Variants in ANKRD46 observed in about 807,000 individuals in gnomAD.
The protein encoded by ANKRD46 is ankyrin repeat domain 46.
Under a neutral mutation model 19.8 loss-of-function variants are expected in ANKRD46, and 13 were observed. The ratio of observed to expected loss-of-function variants is 0.66; its 90% CI spans 0.43 to 1.04. The LOEUF is 1.04. Among genes scored for constraint, ANKRD46 ranks in the 50% least tolerant of loss-of-function variants. The pLI is 0.00. For synonymous variants in ANKRD46, 91 were observed against 106.9 expected, an observed-to-expected ratio of 0.85 and a Z score of 0.92; for missense variants, 185 against 274.8, an observed-to-expected ratio of 0.67 and a Z score of 2.31.
At position 100,545,315 on chromosome 8, in the gene ANKRD46, T is replaced by C. The variant is rs536558570; in HGVS notation, c.-130-12004A>G. Among the ~76,000 whole-genome samples, 12 of 152,242 alleles carry C rather than the reference T, an allele frequency of 7.9e-5. No homozygotes were observed. In the East Asian group the frequency reaches 1.4e-3, roughly 17 times the overall value. ...GTCCCCACATATCAAGGAAGGGACCTGGTGGGAGGTGAATGGAGCATGGGG... is the reference window on the plus strand; with the variant it reads ...GTCCCCACATATCAAGGAAGGGACCCGGTGGGAGGTGAATGGAGCATGGGG... On this transcript the variant is annotated intron_variant, in intron 1 of 4. Transcript: ENST00000335659. This position sits in a 1 kb window ranked among gnomAD's most constrained non-coding sequence, Gnocchi z 4.7.
At chr8:100,516,829 A>G (rs925238436), downstream of ANKRD46, among the ~76,000 whole-genome samples, 6 of 152,234 alleles carry the variant, frequency 3.9e-5, no homozygotes, top group African/African-American at 1.4e-4. Flanking sequence ...AATGGTGCCA[A>G]CAGCATCCTC....
At position 100,521,247 on chromosome 8, in the gene ANKRD46, T is replaced by C; in HGVS notation, c.*1308A>G. 1 of 985,326 alleles carries C rather than the reference T, an allele frequency of 1.0e-6. No individual in the cohort carries two copies. Among genetic ancestry groups the C allele is most frequent in the Non-Finnish European group, 1.2e-6 (1 of 829,922 alleles). 61.0% of individuals were successfully genotyped at this position (985,326 alleles called of 1,614,324 possible). On this transcript the variant is annotated 3_prime_UTR_variant, in exon 5 of 5. Transcript: ENST00000335659. ...ACCAATTCTATTCTAAAGCATAATT[T>C]CTAATTCTAGCAGCAATTCAATTAG...
downstream of ANKRD46, among the ~76,000 whole-genome samples, chr8:100,517,263 G>C (rs1229725309): frequency 1.3e-5 from 2 of 152,166 alleles, no homozygotes; most frequent in African/African-American, 4.8e-5. Flanking sequence ...TGTAAAAATG[G>C]AATCTTCTTT....
rs1408034930 is a variant in ANKRD46 at position 100,532,470 on chromosome 8, A to AAAAAC, written c.-28+734_-28+738dup. The stretch of plus-strand genomic sequence containing the variant: ...GGCATCAAAGTGAGGCCTGTCTCAA[A>AAAAAC]AAAACAAACCAAACCAAACCAAACC... On this transcript the variant is annotated intron_variant, in intron 2 of 4. Coordinates refer to ENST00000335659, the MANE Select transcript of ANKRD46 (RefSeq NM_001270377.2). This position sits in a 1 kb window ranked among gnomAD's most constrained non-coding sequence, Gnocchi z 4.7. The AAAAAC allele has an allele frequency of 1.3e-5, 2 of 152,106 alleles. No homozygotes were observed. Among genetic ancestry groups the AAAAAC allele is most frequent in the Admixed American group, 6.5e-5 (1 of 15,278 alleles). 9.4% of individuals were successfully genotyped at this position (152,106 alleles called of 1,614,324 possible).
chr8:100,514,620 T>TTTTTTTTTTTA (rs1811599635), intron 5 of ANKRD46, among the ~76,000 whole-genome samples: 1 of 119,284 alleles, frequency 8.4e-6, no homozygotes, highest in African/African-American at 3.6e-5. Context: ...CCATCTTCTT[T>TTTTTTTTTTTA]TTTTTTTTTT....
rs925767975 is a variant in ANKRD46 at position 100,521,720 on chromosome 8, C to T, written c.*835G>A. On this transcript the variant is annotated 3_prime_UTR_variant, in exon 5 of 5. Transcript: ENST00000335659. ...TGAGTTTTTCACTATAATAGCACTACAGAATTATGACAGTTAAATATCAGA... is the reference window on the plus strand; with the variant it reads ...TGAGTTTTTCACTATAATAGCACTATAGAATTATGACAGTTAAATATCAGA... The T allele has an allele frequency of 1.0e-6, 1 of 985,164 alleles. No homozygotes were observed. Among genetic ancestry groups the T allele is most frequent in the Non-Finnish European group, 1.2e-6 (1 of 829,828 alleles). The allele number at this position is 985,164 out of a possible 1,614,324, so 61.0% of individuals were successfully genotyped here.
chr8:100,510,350 C>G lies in ANKRD46; in HGVS notation c.*227G>C. The G allele has an allele frequency of 7.2e-6, 3 of 417,810 alleles. No homozygotes were observed. Among genetic ancestry groups the G allele is most frequent in the Non-Finnish European group, 8.5e-6 (2 of 236,442 alleles). The allele number at this position is 417,810 out of a possible 1,614,324, so 25.9% of individuals were successfully genotyped here. On this transcript the variant is annotated 3_prime_UTR_variant, in exon 6 of 6. Coordinates refer to the ANKRD46 transcript ENST00000520552. The surrounding 1 kb of genome is among the most constrained non-coding windows in gnomAD (Gnocchi z 4.9). ...GTTCCTGGAGCTCCATCTTGAGGAT[C>G]TGGGAGGCCAGGAAGACAGCAGGTG...
At chr8:100,515,109 T>C (rs1811607861) in intron 5 of ANKRD46, among the ~76,000 whole-genome samples, 1 of 152,252 alleles carries the variant, frequency 6.6e-6, no homozygotes, top group African/African-American at 2.4e-5. Flanking sequence ...GTTTTTGTTT[T>C]TTTAAATGCC....
At chr8:100,539,565 T>C (rs147705168) in intron 1 of ANKRD46, among the ~76,000 whole-genome samples, 18 of 152,352 alleles carry the variant, frequency 1.2e-4, no homozygotes, top group African/African-American at 4.1e-4. Context: ...ACATTTTTAT[T>C]TTATATCCAA....
intron 1 of ANKRD46, among the ~76,000 whole-genome samples, chr8:100,555,599 A>G (rs984741657): frequency 6.6e-5 from 10 of 151,362 alleles, no homozygotes; most frequent in Admixed American, 2.6e-4. Context: ...CAAAAGAAAA[A>G]AGTTAGAAAG....
downstream of ANKRD46, among the ~76,000 whole-genome samples, chr8:100,519,863 A>G (rs1185411192): frequency 2.0e-5 from 3 of 152,204 alleles, no homozygotes; most frequent in Non-Finnish European, 4.4e-5. Context: ...GGATGCATAA[A>G]AGGCAAAGAG....
rs1812431432 is a variant in ANKRD46, at chr8:100,553,334, A to G, written c.-131+6377T>C. Among the ~76,000 whole-genome samples the G allele has an allele frequency of 1.3e-5, 2 of 152,270 alleles. 1 individual carries two copies. The highest frequency in any genetic ancestry group is 4.1e-4 in the South Asian group (2 of 4,836). On this transcript the variant is annotated intron_variant, in intron 1 of 4. Coordinates refer to ENST00000335659, the MANE Select transcript of ANKRD46 (RefSeq NM_001270377.2). ...CAGAGGGGCAGATTTAAATTAACGTAGCAGCAATGCTGGGCTACTGGAAAA... is the reference window on the plus strand; with the variant it reads ...CAGAGGGGCAGATTTAAATTAACGTGGCAGCAATGCTGGGCTACTGGAAAA...
downstream of ANKRD46, chr8:100,520,741 TAA>T (rs5893523): frequency 5.4e-3 from 3,842 of 714,172 alleles, no homozygotes; most frequent in South Asian, 9.4e-3. Flanking sequence ...TATAATACAC[TAA>T]AAAAAAAAAA....
downstream of ANKRD46, chr8:100,520,725 T>A: frequency 1.2e-6 from 1 of 819,254 alleles, no homozygotes; most frequent in African/African-American, 2.7e-5. Flanking sequence ...ATCCCCAAAT[T>A]AAAACTATAA....
rs545698760 is a variant in ANKRD46 at position 100,527,086 on chromosome 8, T to A, written c.470+759A>T. 9.2e-5 allele frequency among the ~76,000 whole-genome samples: 14 copies of A among 152,262 alleles called. No individual in the cohort carries two copies. Among genetic ancestry groups the A allele is most frequent in the African/African-American group, 2.9e-4 (12 of 41,550 alleles). ...ACTTTACCTGTTGAGCCCAGTGACA[T>A]CAGGAGAAAAGATGGTGCGCCACCT... On this transcript the variant is annotated intron_variant, in intron 4 of 4. Transcript: ENST00000335659. This position sits in a 1 kb window ranked among gnomAD's most constrained non-coding sequence, Gnocchi z 4.0.
At chr8:100,515,551 CCTAA>C (rs1212835340) in intron 5 of ANKRD46, among the ~76,000 whole-genome samples, 11 of 151,968 alleles carry the variant, frequency 7.2e-5, no homozygotes, top group African/African-American at 2.7e-4. Context: ...CTGTATTTGG[CCTAA>C]CTATGAAAGT....
intron 1 of ANKRD46, among the ~76,000 whole-genome samples, chr8:100,547,275 G>A (rs981754099): frequency 6.6e-6 from 1 of 152,160 alleles, no homozygotes; most frequent in Non-Finnish European, 1.5e-5. Context: ...GGAGGTGACT[G>A]GATCATGGGG....
chr8:100,531,610 T>C (rs1485454053), intron 2 of ANKRD46, among the ~76,000 whole-genome samples: 1 of 152,184 alleles, frequency 6.6e-6, no homozygotes, highest in Non-Finnish European at 1.5e-5. Flanking sequence ...TAGGCTTTTT[T>C]ATACCTGAAT....
Position 100,544,880 on chromosome 8 carries a change from CAT to C in ANKRD46, c.-130-11571_-130-11570del, listed in dbSNP as rs565761980. Among the ~76,000 whole-genome samples, 24 of 152,252 alleles carry C rather than the reference CAT, an allele frequency of 1.6e-4. No individual in the cohort carries two copies. The highest frequency in any genetic ancestry group is 3.4e-3 in the Middle Eastern group (1 of 292). On this transcript the variant is annotated intron_variant, in intron 1 of 4. Transcript: ENST00000335659. The surrounding 1 kb of genome is among the most constrained non-coding windows in gnomAD (Gnocchi z 4.4). ...GTCAGAGGCAACAATGGGAGCAACT[CAT>C]AGAGTCTGGTGCTCTTCACAGAGTG...
Sources: allele counts gnomAD v4.1 joint callset (sites outside exome capture counted in the v4.1 genomes callset), GRCh38; gene constraint gnomAD v4.1.1; non-coding constraint Gnocchi (gnomAD v3.1); transcripts MANE v1.5; gene names NCBI Gene and HGNC (gene_info 2026-07-23, HGNC 2026-07-21).